Variants in RAB37 observed in about 807,000 individuals in gnomAD.
RAB37 encodes RAB37, member RAS oncogene family.
Under a neutral mutation model 33.1 loss-of-function variants are expected in RAB37, and 29 were observed. The ratio of observed to expected loss-of-function variants is 0.88; its 90% confidence interval spans 0.65 to 1.20. The LOEUF (loss-of-function observed/expected upper bound fraction) is 1.20, where lower values mean the gene tolerates loss of function less well. Among genes scored for constraint, RAB37 ranks in the 50% most tolerant of loss-of-function variants. The pLI, the probability that RAB37 is intolerant of heterozygous loss-of-function variation, is 0.00. For missense variants in RAB37, 299 were observed against 301.1 expected, an observed-to-expected ratio of 0.99 and a Z score of 0.05; for synonymous variants, 128 against 119.5, an observed-to-expected ratio of 1.07 and a Z score of -0.47.
chr17:74,734,094 G>A (rs890249717), upstream of RAB37, among the ~76,000 whole-genome samples: 5 of 152,138 alleles, frequency 3.3e-5, no homozygotes, highest in African/African-American at 4.8e-5. Flanking sequence ...AGCCAACAAC[G>A]TGAACCACAG....
intron 2 of RAB37, among the ~76,000 whole-genome samples, chr17:74,731,315 C>T (rs118171890): frequency 0.02 from 3,018 of 152,268 alleles, 58 homozygotes; most frequent in Non-Finnish European, 0.03. Flanking sequence ...CAGGTGCTGC[C>T]ACAGGCTCCG....
chr17:74,671,949 T>A lies in RAB37; in HGVS notation c.72+291T>A, dbSNP rs2031716497. Among the ~76,000 whole-genome samples, 2 of 152,146 alleles carry A rather than the reference T, an allele frequency of 1.3e-5. No homozygotes were observed. On this transcript the variant is annotated intron_variant, in intron 1 of 7. Transcript: ENST00000340415. The surrounding 1 kb of genome is among the most constrained non-coding windows in gnomAD (Gnocchi z 5.0). ...CTCCTTGCCTATTTATGCCCCTGGG[T>A]GACCCCTGGCACCTTGCTCTCCTAA...
intron 1 of RAB37, among the ~76,000 whole-genome samples, chr17:74,739,720 G>A (rs2034563346): frequency 1.3e-5 from 2 of 151,380 alleles, no homozygotes; most frequent in African/African-American, 4.9e-5. Context: ...TAGTAGAGAT[G>A]GGGTTTCACC....
intron 1 of RAB37, among the ~76,000 whole-genome samples, chr17:74,706,861 C>T (rs988724919): frequency 1.3e-5 from 2 of 152,130 alleles, no homozygotes; most frequent in African/African-American, 4.8e-5. Flanking sequence ...AAGAAGCGGG[C>T]CCTGTGACAA....
chr17:74,712,809 C>G (rs2034067905), intron 1 of RAB37: 3 of 1,613,870 alleles, frequency 1.9e-6, no homozygotes, highest in African/African-American at 1.3e-5. Flanking sequence ...AGAAGACAGA[C>G]CCAGGCCCGC....
intron 1 of RAB37, among the ~76,000 whole-genome samples, chr17:74,728,080 TTC>T (rs2034328322): frequency 6.6e-6 from 1 of 152,064 alleles, no homozygotes; most frequent in Non-Finnish European, 1.5e-5. Flanking sequence ...GTCTGTGTGT[TTC>T]TGAGTTTCTG....
chr17:74,700,249 C>T (rs2143671163), intron 1 of RAB37, among the ~76,000 whole-genome samples: 1 of 152,238 alleles, frequency 6.6e-6, no homozygotes, highest in Admixed American at 6.5e-5. Context: ...ATGAAAATGG[C>T]CAGGGCTGAC....
chr17:74,736,311 C>T (rs2034473741), upstream of RAB37, among the ~76,000 whole-genome samples: 1 of 152,102 alleles, frequency 6.6e-6, no homozygotes, highest in African/African-American at 2.4e-5. Context: ...TCCTTGGTAA[C>T]TTGAAGCTGC....
chr17:74,700,813 C>G (rs935311942), intron 1 of RAB37, among the ~76,000 whole-genome samples: 5 of 152,084 alleles, frequency 3.3e-5, no homozygotes, highest in Non-Finnish European at 7.4e-5. Flanking sequence ...CCACCACCCC[C>G]CCACCCCAAT....
At chr17:74,726,592 A>C (rs1248395358) in intron 1 of RAB37, among the ~76,000 whole-genome samples, 2 of 152,228 alleles carry the variant, frequency 1.3e-5, no homozygotes, top group Non-Finnish European at 2.9e-5. Flanking sequence ...ACCACTGCAC[A>C]TAACAAACAA....
At chr17:74,680,055 A>T (rs191427866) in intron 1 of RAB37, among the ~76,000 whole-genome samples, 1 of 152,132 alleles carries the variant, frequency 6.6e-6, no homozygotes. Flanking sequence ...GGAAGCCTGA[A>T]TCATTACAGC....
chr17:74,695,280 G>A, intron 1 of RAB37: 1 of 1,612,320 alleles, frequency 6.2e-7, no homozygotes, highest in Non-Finnish European at 8.5e-7. Context: ...CCAGGTCAGA[G>A]AGGACGGCAG....
chr17:74,726,520 T>C (rs1363183767), intron 1 of RAB37, among the ~76,000 whole-genome samples: 1 of 152,212 alleles, frequency 6.6e-6, no homozygotes, highest in Non-Finnish European at 1.5e-5. Context: ...TTCTGGAATA[T>C]TCTCTCTAGG....
rs1363745015 is a variant in RAB37 at position 74,745,375 on chromosome 17, C to G, written c.636C>G (p.Ser212=). ...PSFQIRDYVE[S]QKKRSSCCSF... is the part of the protein sequence containing the mutation. ...TCCAGATCCGAGACTATGTAGAGTCCCAGAAGAAGCGCTCCAGCTGCTGCT... is the reference window on the plus strand; with the variant it reads ...TCCAGATCCGAGACTATGTAGAGTCGCAGAAGAAGCGCTCCAGCTGCTGCT... Residue 212 remains serine (S), a synonymous_variant, in exon 9 of 9, where the codon TCC becomes TCG. Transcript: ENST00000392613. This position sits in a 1 kb window ranked among gnomAD's most constrained non-coding sequence, Gnocchi z 4.5. 6.2e-7 allele frequency: 1 copy of G among 1,614,132 alleles called. No homozygotes were observed. The highest frequency in any genetic ancestry group is 1.7e-5 in the Admixed American group (1 of 60,022).
intron 1 of RAB37, among the ~76,000 whole-genome samples, chr17:74,708,902 C>A (rs2033746664): frequency 7.1e-6 from 1 of 140,654 alleles, no homozygotes; most frequent in African/African-American, 2.7e-5. Flanking sequence ...GGCGACAGAG[C>A]AAGACTCCGT....
chr17:74,693,550 T>C (rs1296168800), intron 1 of RAB37, among the ~76,000 whole-genome samples: 1 of 152,174 alleles, frequency 6.6e-6, no homozygotes, highest in Non-Finnish European at 1.5e-5. Flanking sequence ...GCAATCATTG[T>C]GGGCTTGGTA....
At chr17:74,723,587 T>C in intron 1 of RAB37, among the ~76,000 whole-genome samples, 1 of 150,226 alleles carries the variant, frequency 6.7e-6, no homozygotes, top group East Asian at 1.9e-4. Context: ...TTTTTTTTTT[T>C]TTTTTTTTTG....
intron 1 of RAB37, chr17:74,677,375 C>T (rs2031856956): frequency 6.6e-6 from 1 of 152,042 alleles, no homozygotes; most frequent in African/African-American, 2.4e-5. Flanking sequence ...CTCTCTCATT[C>T]TCTATCCCAC....
intron 1 of RAB37, chr17:74,698,562 G>A (rs2032740749): frequency 1.3e-6 from 2 of 1,535,386 alleles, no homozygotes. Context: ...CAGCAGCAGG[G>A]GAGGGCCACA....
Sources: allele counts gnomAD v4.1 joint callset (sites outside exome capture counted in the v4.1 genomes callset), GRCh38; gene constraint gnomAD v4.1.1; non-coding constraint Gnocchi (gnomAD v3.1); transcripts MANE v1.5; gene names NCBI Gene and HGNC (gene_info 2026-07-23, HGNC 2026-07-21).